Variants in SMYD3 observed in about 807,000 individuals in gnomAD.
SMYD3 encodes histone-lysine N-methyltransferase SMYD3.
In SMYD3, 36 loss-of-function variants were observed where a neutral mutation model predicts 57.7. The ratio of observed to expected loss-of-function variants is 0.62; its 90% CI spans 0.48 to 0.82. SMYD3 has a LOEUF of 0.82. Ranked by LOEUF, SMYD3 falls within the 40% of genes least tolerant of loss-of-function variation. The probability of loss-of-function intolerance (pLI) is 0.00; values close to 1 mark genes in which losing one functional copy is unlikely to be tolerated. For missense variants in SMYD3, 515 were observed against 538.8 expected (o/e 0.96, Z 0.44); for synonymous variants, 211 against 195.0 (o/e 1.08, Z -0.68).
chr1:246,018,683 G>A (rs1446305652), intron 5 of SMYD3, among the ~76,000 whole-genome samples: 3 of 150,068 alleles, frequency 2.0e-5, no homozygotes, highest in African/African-American at 5.0e-5. Flanking sequence ...ACAGCTCACT[G>A]CAGCTTCAAA....
intron 5 of SMYD3, among the ~76,000 whole-genome samples, chr1:245,999,282 GAAT>G (rs2058991761): frequency 6.6e-6 from 1 of 152,054 alleles, no homozygotes; most frequent in Non-Finnish European, 1.5e-5. Context: ...AAAGCACACA[GAAT>G]AATAACATTA....
intron 5 of SMYD3, among the ~76,000 whole-genome samples, chr1:246,137,430 G>A (rs2061680653): frequency 6.6e-6 from 1 of 152,194 alleles, no homozygotes; most frequent in Non-Finnish European, 1.5e-5. Context: ...AATATTGTCA[G>A]AATGCAGGAA....
chr1:245,826,369 T>C (rs2049491382), intron 10 of SMYD3, among the ~76,000 whole-genome samples: 1 of 152,088 alleles, frequency 6.6e-6, no homozygotes, highest in Non-Finnish European at 1.5e-5. Flanking sequence ...CAGGATTTCC[T>C]TGTTTTTGTT....
rs537856099 is a variant in SMYD3, at chr1:245,999,685, A to T, written c.532-69748T>A. Among the ~76,000 whole-genome samples the T allele has an allele frequency of 2.1e-4, 32 of 152,340 alleles. No homozygotes were observed. In the South Asian group the frequency reaches 6.2e-3, roughly 30 times the overall value. On this transcript the variant is annotated intron_variant, in intron 5 of 11. Coordinates refer to ENST00000490107, the MANE Select transcript of SMYD3 (RefSeq NM_001167740.2). ...CCTAAAGCAAGAGAGAGAGAAAGAGAGATAAAGACTAATGAAACCAACATA... is the reference window on the plus strand; with the variant it reads ...CCTAAAGCAAGAGAGAGAGAAAGAGTGATAAAGACTAATGAAACCAACATA...
At chr1:246,387,374 A>C (rs1432673756) in intron 1 of SMYD3, among the ~76,000 whole-genome samples, 2 of 152,236 alleles carry the variant, frequency 1.3e-5, no homozygotes, top group African/African-American at 4.8e-5. Flanking sequence ...CAAAACATTT[A>C]ATGTATTAAG....
At chr1:245,817,498 C>T (rs1259024303) in intron 10 of SMYD3, among the ~76,000 whole-genome samples, 2 of 152,080 alleles carry the variant, frequency 1.3e-5, no homozygotes, top group Admixed American at 6.5e-5. Context: ...ACCTCTCCTC[C>T]TCCAAAGGAA....
At chr1:246,308,199 T>G (rs1361792050) in intron 5 of SMYD3, among the ~76,000 whole-genome samples, 2 of 152,220 alleles carry the variant, frequency 1.3e-5, no homozygotes, top group Non-Finnish European at 2.9e-5. Flanking sequence ...TATTTATATA[T>G]TTCTTTCATT....
chr1:246,041,384 C>T (rs2059869199), intron 5 of SMYD3, among the ~76,000 whole-genome samples: 1 of 152,114 alleles, frequency 6.6e-6, no homozygotes. Context: ...GTGCGGACTT[C>T]AAAATAAAAA....
intron 8 of SMYD3, among the ~76,000 whole-genome samples, chr1:245,903,736 GC>G (rs1419957584): frequency 6.6e-6 from 1 of 152,190 alleles, no homozygotes; most frequent in Non-Finnish European, 1.5e-5. Flanking sequence ...TGTAACTGGG[GC>G]TTGCATCCCC....
intron 5 of SMYD3, among the ~76,000 whole-genome samples, chr1:246,066,300 A>G (rs2060338997): frequency 6.6e-6 from 1 of 152,194 alleles, no homozygotes; most frequent in Non-Finnish European, 1.5e-5. Context: ...TAAAAGGTTG[A>G]ATTTTCATGA....
At chr1:246,445,257 A>G (rs2067535051) in intron 1 of SMYD3, among the ~76,000 whole-genome samples, 1 of 152,226 alleles carries the variant, frequency 6.6e-6, no homozygotes, top group African/African-American at 2.4e-5. Context: ...TGTCAAATTA[A>G]TAAATCAAAT....
intron 8 of SMYD3, among the ~76,000 whole-genome samples, chr1:245,884,418 C>T (rs1419187987): frequency 1.3e-5 from 2 of 152,104 alleles, no homozygotes; most frequent in Non-Finnish European, 1.5e-5. Flanking sequence ...GTGGTCCTTC[C>T]GGTTTTGTGG....
chr1:246,193,104 AAAGTATTCCTCATTAG>A (rs1284300717), intron 5 of SMYD3, among the ~76,000 whole-genome samples: 1 of 152,202 alleles, frequency 6.6e-6, no homozygotes, highest in Non-Finnish European at 1.5e-5. Context: ...TGTGAAGACA[AAAGTATTCCTCATTAG>A]AAGTATCCTT....
At chr1:246,470,186 A>G (rs1288989807) in intron 1 of SMYD3, among the ~76,000 whole-genome samples, 3 of 152,198 alleles carry the variant, frequency 2.0e-5, no homozygotes, top group African/African-American at 7.2e-5. Context: ...AGACATGACA[A>G]CTACATGTAT....
chr1:246,102,118 T>C (rs140553389), intron 5 of SMYD3, among the ~76,000 whole-genome samples: 1 of 152,286 alleles, frequency 6.6e-6, no homozygotes, highest in East Asian at 1.9e-4. Flanking sequence ...TCATCCTTCT[T>C]CCCAGCACGC....
At chr1:246,493,429 A>C (rs1371023453) in intron 1 of SMYD3, among the ~76,000 whole-genome samples, 1 of 152,190 alleles carries the variant, frequency 6.6e-6, no homozygotes, top group Non-Finnish European at 1.5e-5. Flanking sequence ...TCATTTCAAA[A>C]AGGCAAAACT....
chr1:246,437,897 A>C (rs2103016113), intron 1 of SMYD3, among the ~76,000 whole-genome samples: 1 of 152,386 alleles, frequency 6.6e-6, no homozygotes, highest in Non-Finnish European at 1.5e-5. Context: ...AACACATAAC[A>C]GCTGACAATG....
In SMYD3 at chr1:246,355,483, C is replaced by T; in HGVS notation, c.165-389G>A. On this transcript the variant is annotated intron_variant, in intron 1 of 11. Transcript: ENST00000490107. The surrounding 1 kb of genome is among the most constrained non-coding windows in gnomAD (Gnocchi z 5.0). ...GGAACTGTATCGCCACTGCAGGCTC[C>T]CTGAGACTCTGAAAAGATGTGAGCT... The T allele has an allele frequency of 5.7e-6, 1 of 176,144 alleles. No homozygotes were observed. The allele number at this position is 176,144 out of a possible 1,614,324, so 10.9% of individuals were successfully genotyped here.
chr1:246,414,740 TAG>T (rs1449588383), intron 1 of SMYD3, among the ~76,000 whole-genome samples: 1 of 109,476 alleles, frequency 9.1e-6, no homozygotes, highest in African/African-American at 3.6e-5. Flanking sequence ...TTTTTTGAGA[TAG>T]AGTCTTGCTC....
Sources: allele counts gnomAD v4.1 joint callset (sites outside exome capture counted in the v4.1 genomes callset), GRCh38; gene constraint gnomAD v4.1.1; non-coding constraint Gnocchi (gnomAD v3.1); transcripts MANE v1.5; gene names NCBI Gene and HGNC (gene_info 2026-07-23, HGNC 2026-07-21).